SYAP1: variants seen among roughly 807,000 people sequenced by gnomAD.
SYAP1 encodes the protein synapse associated protein 1, also known as synapse-associated protein 1.
SYAP1 carries 3 observed loss-of-function variants against 29.6 expected under a neutral mutation model. That is an observed-to-expected ratio of 0.10 (90% CI 0.05 to 0.26). The LOEUF (loss-of-function observed/expected upper bound fraction) is 0.26, where lower values mean the gene tolerates loss of function less well. Among genes scored for constraint, SYAP1 ranks in the 10% least tolerant of loss-of-function variants. The pLI is 1.00. For synonymous variants in SYAP1, 102 were observed against 102.7 expected (o/e 0.99, Z 0.04); for missense variants, 217 against 264.1 (o/e 0.82, Z 1.24).
intron 3 of SYAP1, among the ~76,000 whole-genome samples, chrX:16,736,881 C>G (rs1926341437): frequency 8.9e-6 from 1 of 111,780 alleles, no homozygotes; most frequent in Non-Finnish European, 1.9e-5. Context: ...CAAGTGGTGG[C>G]TCCGTTCCTG....
intron 8 of SYAP1, among the ~76,000 whole-genome samples, chrX:16,758,713 T>C (rs755270088): frequency 9.0e-6 from 1 of 110,616 alleles, no homozygotes; most frequent in South Asian, 3.9e-4. Flanking sequence ...ACACATTGTC[T>C]TTCTGTCCCC....
intron 1 of SYAP1, among the ~76,000 whole-genome samples, chrX:16,727,788 A>T (rs1401906339): frequency 8.9e-6 from 1 of 111,889 alleles, no homozygotes; most frequent in African/African-American, 3.2e-5. Context: ...CTTACCACAG[A>T]TCAGAAACCC....
At chrX:16,729,195 CAT>C (rs1491312370) in intron 1 of SYAP1, among the ~76,000 whole-genome samples, 1 of 111,085 alleles carries the variant, frequency 9.0e-6, no homozygotes, top group African/African-American at 3.3e-5. Flanking sequence ...ATACCAATAA[CAT>C]ATTTACACAT....
At chrX:16,734,966 T>G (rs753177137) in intron 1 of SYAP1, among the ~76,000 whole-genome samples, 56 of 86,397 alleles carry the variant, frequency 6.5e-4, no homozygotes, top group Non-Finnish European at 9.9e-4. Flanking sequence ...GCCACTGCAC[T>G]CCAGCCTGGG....
At chrX:16,751,680 CTT>C (rs771762320) in intron 5 of SYAP1, among the ~76,000 whole-genome samples, 3 of 95,365 alleles carry the variant, frequency 3.1e-5, no homozygotes. Context: ...TTTTTCTTTT[CTT>C]TTTTTTTTTT....
intron 5 of SYAP1, among the ~76,000 whole-genome samples, chrX:16,752,571 C>T (rs1476464257): frequency 9.1e-6 from 1 of 109,718 alleles, no homozygotes; most frequent in Non-Finnish European, 1.9e-5. Context: ...ATCATTTACA[C>T]GTTATTACCA....
Position 16,756,718 on chromosome X carries a change from A to G in SYAP1, c.780A>G (p.Gln260=). 8.3e-7 allele frequency: 1 copy of G among 1,209,045 alleles called. No individual in the cohort carries two copies. The highest frequency in any genetic ancestry group is 1.1e-6 in the Non-Finnish European group (1 of 892,978). ...TAATCAAATCTCAGCTTAAAACTCA[A>G]GAGGTAATCCAGTTTTACATTGTAC... ...PVVIKSQLKT[Q]EDEEEISTSP... Residue 260 remains glutamine, a synonymous_variant, in exon 7 of 9, where the codon CAA becomes CAG. Coordinates refer to ENST00000380155, the MANE Select transcript of SYAP1 (RefSeq NM_032796.4).
At chrX:16,721,921 CTT>C (rs1232464054) in intron 1 of SYAP1, among the ~76,000 whole-genome samples, 1 of 111,872 alleles carries the variant, frequency 8.9e-6, no homozygotes, top group Non-Finnish European at 1.9e-5. Flanking sequence ...ACCAGATTCT[CTT>C]TTGATATTTA....
intron 5 of SYAP1, among the ~76,000 whole-genome samples, chrX:16,752,317 C>T (rs1237674015): frequency 1.9e-5 from 2 of 107,309 alleles, no homozygotes; most frequent in South Asian, 3.9e-4. Flanking sequence ...GTATTCAACC[C>T]TCAAGATTTT....
At chrX:16,739,471 T>TCC (rs1926402179) in intron 3 of SYAP1, among the ~76,000 whole-genome samples, 1 of 87,913 alleles carries the variant, frequency 1.1e-5, no homozygotes, top group African/African-American at 4.4e-5. Flanking sequence ...AATCACTCTC[T>TCC]CTCTCTTTTT....
intron 1 of SYAP1, among the ~76,000 whole-genome samples, chrX:16,720,694 A>G (rs1007203676): frequency 8.9e-6 from 1 of 111,856 alleles, no homozygotes; most frequent in African/African-American, 3.3e-5. Context: ...TTCTGGAGAG[A>G]CCATGGTGGG....
chrX:16,748,197 G>A (rs1344807836), intron 5 of SYAP1, among the ~76,000 whole-genome samples: 1 of 112,436 alleles, frequency 8.9e-6, no homozygotes, highest in Non-Finnish European at 1.9e-5. Flanking sequence ...AAAAGCATGT[G>A]TGCAGGGGAG....
At chrX:16,750,139 A>G (rs1926698329) in intron 5 of SYAP1, among the ~76,000 whole-genome samples, 1 of 111,165 alleles carries the variant, frequency 9.0e-6, no homozygotes, top group Non-Finnish European at 1.9e-5. Flanking sequence ...TGTCATCGTT[A>G]AAGTGAGTCC....
At position 16,735,223 on chromosome X, in the gene SYAP1, A is replaced by G; in HGVS notation, c.176-4A>G. On this transcript the variant is annotated splice_polypyrimidine_tract_variant and splice_region_variant and intron_variant, in intron 1 of 8. Transcript: ENST00000380155. ...TAACCACAGATTCTTTTTATTCTTT[A>G]CAGACTATTTATTTAACTTTGCATC... 1 of 1,130,859 alleles carries G rather than the reference A, an allele frequency of 8.8e-7. No individual in the cohort carries two copies. Among genetic ancestry groups the G allele is most frequent in the Non-Finnish European group, 1.2e-6 (1 of 832,956 alleles). The allele number at this position is 1,130,859 out of a possible 1,213,427, so 93.2% of individuals were successfully genotyped here. A position where few individuals can be genotyped will look rare whatever the true frequency, so the allele number is the denominator to read the frequency against.
chrX:16,722,290 G>A (rs111386533), intron 1 of SYAP1, among the ~76,000 whole-genome samples: 1 of 111,392 alleles, frequency 9.0e-6, no homozygotes, highest in African/African-American at 3.3e-5. Context: ...GCAGCTTTGG[G>A]AGGCCAAGGC....
At chrX:16,742,898 C>T (rs1926501139) in intron 4 of SYAP1, among the ~76,000 whole-genome samples, 1 of 105,185 alleles carries the variant, frequency 9.5e-6, no homozygotes, top group Non-Finnish European at 1.9e-5. Context: ...TAGCCATGAG[C>T]GACTACACCC....
intron 5 of SYAP1, among the ~76,000 whole-genome samples, chrX:16,748,664 T>G (rs1480203852): frequency 1.8e-5 from 2 of 111,849 alleles, no homozygotes; most frequent in African/African-American, 6.5e-5. Context: ...TCCCGGAGGG[T>G]TTTCACAGGA....
In SYAP1 at chrX:16,763,188, A is replaced by C. The variant is rs1171725827; in HGVS notation, c.*2829A>C. On this transcript the variant is annotated 3_prime_UTR_variant, in exon 9 of 9. Coordinates refer to ENST00000380155, the MANE Select transcript of SYAP1 (RefSeq NM_032796.4). Reference sequence around the variant, plus strand: ...GTGGTCCTAGCTACTTGGAAGGCTGAGGCAGGAGGATCGCTTGAGCCCAGG... The same window carrying C: ...GTGGTCCTAGCTACTTGGAAGGCTGCGGCAGGAGGATCGCTTGAGCCCAGG... The C allele has an allele frequency of 6.6e-5, 7 of 106,583 alleles. No individual in the cohort carries two copies. Among genetic ancestry groups the C allele is most frequent in the African/African-American group, 2.1e-4 (6 of 29,243 alleles). The allele number at this position is 106,583 out of a possible 1,213,427, so 8.8% of individuals were successfully genotyped here.
Position 16,719,644 on chromosome X carries a change from T to A in SYAP1, c.-81T>A. On this transcript the variant is annotated 5_prime_UTR_variant, in exon 1 of 9. Transcript: ENST00000380155. ...CGACTTCCGGACATCTCCCTGGGAGTCGCGCAGAGTGGAGTCAAAGGCAAC... is the reference window on the plus strand; with the variant it reads ...CGACTTCCGGACATCTCCCTGGGAGACGCGCAGAGTGGAGTCAAAGGCAAC... The A allele has an allele frequency of 9.4e-7, 1 of 1,061,195 alleles. No homozygotes were observed. Among genetic ancestry groups the A allele is most frequent in the Non-Finnish European group, 1.2e-6 (1 of 805,227 alleles). The allele number at this position is 1,061,195 out of a possible 1,213,427, so 87.5% of individuals were successfully genotyped here. A position where few individuals can be genotyped will look rare whatever the true frequency, so the allele number is the denominator to read the frequency against.
Sources: allele counts gnomAD v4.1 joint callset (sites outside exome capture counted in the v4.1 genomes callset), GRCh38; gene constraint gnomAD v4.1.1; transcripts MANE v1.5; gene names NCBI Gene and HGNC (gene_info 2026-07-23, HGNC 2026-07-21).